SV2B: variants seen among roughly 807,000 people sequenced by gnomAD.
SV2B encodes solute carrier family 22 member B2.
SV2B carries 41 observed loss-of-function variants against 73.9 expected under a neutral mutation model. That is an observed-to-expected ratio of 0.56 (90% CI 0.43 to 0.72). SV2B has a LOEUF of 0.72. Among genes scored for constraint, SV2B ranks in the 30% least tolerant of loss-of-function variants. SV2B has a pLI of 0.00. For missense variants in SV2B, 764 were observed against 857.8 expected, an observed-to-expected ratio of 0.89 and a Z score of 1.37; for synonymous variants, 314 against 314.2, an observed-to-expected ratio of 1.00 and a Z score of 0.01.
At chr15:91,107,364 G>C (rs1435652409) in intron 1 of SV2B, among the ~76,000 whole-genome samples, 1 of 151,556 alleles carries the variant, frequency 6.6e-6, no homozygotes, top group Non-Finnish European at 1.5e-5. Flanking sequence ...CCAGGCTGGA[G>C]TGTAGTGGCA....
Position 91,118,452 on chromosome 15 carries a change from C to T in SV2B, c.-392+18089C>T, listed in dbSNP as rs1033147000. 2.6e-5 allele frequency among the ~76,000 whole-genome samples: 4 copies of T among 152,150 alleles called. No individual in the cohort carries two copies. Among genetic ancestry groups the T allele is most frequent in the African/African-American group, 9.7e-5 (4 of 41,436 alleles). ...GAAGAAAAGAACATTTTTTCCTTTG[C>T]ATTCATTGAGGGCTTGGGAAGGTAC... On this transcript the variant is annotated intron_variant, in intron 1 of 12. Transcript: ENST00000394232. This position sits in a 1 kb window ranked among gnomAD's most constrained non-coding sequence, Gnocchi z 4.7.
In SV2B at chr15:91,135,652, A is replaced by G. The variant is rs2042799075; in HGVS notation, c.-392+35289A>G. Reference sequence around the variant, plus strand: ...ATGACGCCATCCTGCCTGCTCATTCATAAAGGCCAGGGAAAGGTAATAGTA... The same window carrying G: ...ATGACGCCATCCTGCCTGCTCATTCGTAAAGGCCAGGGAAAGGTAATAGTA... On this transcript the variant is annotated intron_variant, in intron 1 of 12. Coordinates refer to ENST00000394232, the MANE Select transcript of SV2B (RefSeq NM_001323032.3). 5.3e-5 allele frequency among the ~76,000 whole-genome samples: 8 copies of G among 152,336 alleles called. 1 individual carries two copies. The South Asian group carries it at 1.7e-3, about 32-fold the overall frequency.
At chr15:91,112,231 T>A (rs1255316891) in intron 1 of SV2B, among the ~76,000 whole-genome samples, 3 of 152,098 alleles carry the variant, frequency 2.0e-5, no homozygotes, top group African/African-American at 7.2e-5. Context: ...TTAAATGTTG[T>A]CACCAGATGT....
intron 9 of SV2B, among the ~76,000 whole-genome samples, chr15:91,272,544 G>C (rs576673014): frequency 2.0e-5 from 3 of 152,230 alleles, no homozygotes; most frequent in South Asian, 2.1e-4. Flanking sequence ...TCTTACTCAG[G>C]TAGGAACGTG....
At chr15:91,235,269 T>G (rs1207866197) in intron 2 of SV2B, among the ~76,000 whole-genome samples, 1 of 152,246 alleles carries the variant, frequency 6.6e-6, no homozygotes, top group Non-Finnish European at 1.5e-5. Context: ...AGCACCATTA[T>G]TTTCTTGTAC....
intron 6 of SV2B, among the ~76,000 whole-genome samples, chr15:91,263,898 A>C (rs1014504957): frequency 2.0e-5 from 3 of 152,234 alleles, no homozygotes; most frequent in Non-Finnish European, 4.4e-5. Context: ...CGAATAAAAC[A>C]GTTCCTCCTT....
At position 91,227,743 on chromosome 15, in the gene SV2B, T is replaced by A. The variant is rs2046430766; in HGVS notation, c.451+1029T>A. Among the ~76,000 whole-genome samples the A allele has an allele frequency of 6.6e-6, 1 of 152,216 alleles. No homozygotes were observed. The highest frequency in any genetic ancestry group is 2.4e-5 in the African/African-American group (1 of 41,456). ...GTCTCTCAAATAATTTGCATGTAGTTGAACAAACAGACATTAACAAACACA... is the reference window on the plus strand; with the variant it reads ...GTCTCTCAAATAATTTGCATGTAGTAGAACAAACAGACATTAACAAACACA... On this transcript the variant is annotated intron_variant, in intron 2 of 12. Transcript: ENST00000394232. This position sits in a 1 kb window ranked among gnomAD's most constrained non-coding sequence, Gnocchi z 4.5.
intron 9 of SV2B, among the ~76,000 whole-genome samples, chr15:91,278,552 G>A (rs1459133486): frequency 2.0e-5 from 3 of 148,730 alleles, no homozygotes; most frequent in Non-Finnish European, 4.4e-5. Flanking sequence ...GGTGGCGGGT[G>A]CCTGTAGTCC....
Position 91,289,244 on chromosome 15 carries a change from C to T in SV2B, c.1709-277C>T, listed in dbSNP as rs141709747. Among the ~76,000 whole-genome samples the T allele has an allele frequency of 5.3e-5, 8 of 152,286 alleles. No homozygotes were observed. The highest frequency in any genetic ancestry group is 2.6e-4 in the Admixed American group (4 of 15,302). On this transcript the variant is annotated intron_variant, in intron 11 of 12. Coordinates refer to ENST00000394232, the MANE Select transcript of SV2B (RefSeq NM_001323032.3). The surrounding 1 kb of genome is among the most constrained non-coding windows in gnomAD (Gnocchi z 4.9). Reference sequence around the variant, plus strand: ...ACAAATGCCCCTATCTGCCCCGTCCCGTCACTCTGAGCTGGGCACCACCTT... The same window carrying T: ...ACAAATGCCCCTATCTGCCCCGTCCTGTCACTCTGAGCTGGGCACCACCTT...
chr15:91,211,040 G>T (rs1000254633), intron 1 of SV2B, among the ~76,000 whole-genome samples: 5 of 152,226 alleles, frequency 3.3e-5, no homozygotes, highest in Non-Finnish European at 5.9e-5. Context: ...CCCCTAGGGA[G>T]GGACGACCAG....
Position 91,232,039 on chromosome 15 carries a change from G to C in SV2B, c.451+5325G>C, listed in dbSNP as rs749796859. On this transcript the variant is annotated intron_variant, in intron 2 of 12. Transcript: ENST00000394232. The surrounding 1 kb of genome is among the most constrained non-coding windows in gnomAD (Gnocchi z 4.7). ...ATTGTTTTATATGCAAATTCTAGCC[G>C]AGCATCAGGGCATAATATTTGATTT... 7.9e-5 allele frequency among the ~76,000 whole-genome samples: 12 copies of C among 152,140 alleles called. No homozygotes were observed. The highest frequency in any genetic ancestry group is 2.0e-4 in the Admixed American group (3 of 15,272).
At chr15:91,144,391 A>C (rs2043086078) in intron 1 of SV2B, among the ~76,000 whole-genome samples, 1 of 152,030 alleles carries the variant, frequency 6.6e-6, no homozygotes, top group Admixed American at 6.6e-5. Context: ...ATATCTCTCC[A>C]GCTCTTGGGT....
intron 1 of SV2B, among the ~76,000 whole-genome samples, chr15:91,114,243 A>AGAAAGGT (rs2042117387): frequency 6.6e-6 from 1 of 150,698 alleles, no homozygotes; most frequent in South Asian, 2.1e-4. Context: ...TGGAGAACTG[A>AGAAAGGT]GAAAGGTGTT....
At chr15:91,282,146 C>T (rs896825830) in intron 10 of SV2B, among the ~76,000 whole-genome samples, 29 of 152,326 alleles carry the variant, frequency 1.9e-4, no homozygotes, top group Non-Finnish European at 2.6e-4. Flanking sequence ...ATGCTATACA[C>T]GAAGGGTCTT....
intron 1 of SV2B, among the ~76,000 whole-genome samples, chr15:91,151,893 G>C (rs1419398474): frequency 1.3e-5 from 2 of 152,058 alleles, no homozygotes; most frequent in Non-Finnish European, 2.9e-5. Flanking sequence ...AGATATCAAG[G>C]CTTTTCAGGA....
chr15:91,105,924 C>T lies in SV2B; in HGVS notation c.-392+5561C>T, dbSNP rs1057439786. ...ATTAGCCAGGTGTGGTGGCACATGC[C>T]TGTAGCCCTAGCTACTCGGGAGTCT... is the stretch of plus-strand genomic sequence containing the variant. On this transcript the variant is annotated intron_variant, in intron 1 of 12. Transcript: ENST00000394232. The surrounding 1 kb of genome is among the most constrained non-coding windows in gnomAD (Gnocchi z 5.5). 6.6e-6 allele frequency among the ~76,000 whole-genome samples: 1 copy of T among 152,190 alleles called. No individual in the cohort carries two copies. Among genetic ancestry groups the T allele is most frequent in the Non-Finnish European group, 1.5e-5 (1 of 68,030 alleles).
intron 1 of SV2B, among the ~76,000 whole-genome samples, chr15:91,108,589 C>G (rs1200810195): frequency 9.8e-5 from 15 of 152,340 alleles, no homozygotes. Context: ...CTCTTGGTTG[C>G]TCCTCCCGGC....
rs1489637702 is a variant in SV2B at position 91,110,876 on chromosome 15, C to G, written c.-392+10513C>G. 1.3e-5 allele frequency among the ~76,000 whole-genome samples: 2 copies of G among 152,078 alleles called. No individual in the cohort carries two copies. Among genetic ancestry groups the G allele is most frequent in the Non-Finnish European group, 2.9e-5 (2 of 68,022 alleles). On this transcript the variant is annotated intron_variant, in intron 1 of 12. Coordinates refer to ENST00000394232, the MANE Select transcript of SV2B (RefSeq NM_001323032.3). This position sits in a 1 kb window ranked among gnomAD's most constrained non-coding sequence, Gnocchi z 5.4. ...TTTAAAGCAAAGCATAAACATGAAG[C>G]TTTAAGGAAAGGAAAGCTATAGGGT... is the stretch of plus-strand genomic sequence containing the variant.
chr15:91,276,855 C>T (rs2892185), intron 9 of SV2B, among the ~76,000 whole-genome samples: 35,095 of 145,842 alleles, frequency 0.24, 5,117 homozygotes, highest in East Asian at 0.44. Context: ...GAGTTTTGCT[C>T]TTGTTGCCCA....
Sources: allele counts gnomAD v4.1 joint callset (sites outside exome capture counted in the v4.1 genomes callset), GRCh38; gene constraint gnomAD v4.1.1; non-coding constraint Gnocchi (gnomAD v3.1); transcripts MANE v1.5; gene names NCBI Gene and HGNC (gene_info 2026-07-23, HGNC 2026-07-21).